PPP3CA: variants seen among roughly 807,000 people sequenced by gnomAD.
The protein encoded by PPP3CA is protein phosphatase 3 catalytic subunit alpha, also known as CAM-PRP catalytic subunit.
In PPP3CA, 14 loss-of-function variants were observed where a neutral mutation model predicts 66.5. The ratio of observed to expected loss-of-function variants is 0.21; its 90% CI spans 0.14 to 0.33. The LOEUF (loss-of-function observed/expected upper bound fraction) is 0.33, where lower values mean the gene tolerates loss of function less well. Among genes scored for constraint, PPP3CA ranks in the 10% least tolerant of loss-of-function variants. The pLI is 1.00. For missense variants in PPP3CA, 317 were observed against 639.5 expected, an observed-to-expected ratio of 0.50 and a Z score of 5.44; for synonymous variants, 232 against 226.2, an observed-to-expected ratio of 1.03 and a Z score of -0.23.
In PPP3CA at chr4:101,201,980, C is replaced by G. The variant is rs571976267; in HGVS notation, c.59-5864G>C. ...CCACAGATAACAAACATAAGCCAACCCAAGCTCTGAAGAGCTTACCAGGTG... is the reference window on the plus strand; with the variant it reads ...CCACAGATAACAAACATAAGCCAACGCAAGCTCTGAAGAGCTTACCAGGTG... On this transcript the variant is annotated intron_variant, in intron 1 of 13. Transcript: ENST00000394854. 1.1e-4 allele frequency among the ~76,000 whole-genome samples: 16 copies of G among 152,228 alleles called. No homozygotes were observed. In the East Asian group the frequency reaches 1.5e-3, roughly 15 times the overall value.
intron 1 of PPP3CA, among the ~76,000 whole-genome samples, chr4:101,306,230 A>AATT (rs1728531869): frequency 6.6e-6 from 1 of 152,106 alleles, no homozygotes; most frequent in South Asian, 2.1e-4. Flanking sequence ...GGGGGCAGCT[A>AATT]ATTAGAGAGG....
At chr4:101,256,657 T>C (rs1726853343) in intron 1 of PPP3CA, among the ~76,000 whole-genome samples, 1 of 152,042 alleles carries the variant, frequency 6.6e-6, no homozygotes, top group Middle Eastern at 3.2e-3. Context: ...TGCAGAGTTT[T>C]AATGATGGAA....
intron 1 of PPP3CA, among the ~76,000 whole-genome samples, chr4:101,274,637 A>G (rs763532005): frequency 2.6e-4 from 40 of 152,152 alleles, no homozygotes; most frequent in Non-Finnish European, 2.4e-4. Context: ...CTTTTTTTCT[A>G]TGTACGTATT....
chr4:101,082,546 T>C (rs1729484768), intron 7 of PPP3CA, among the ~76,000 whole-genome samples: 1 of 152,228 alleles, frequency 6.6e-6, no homozygotes, highest in South Asian at 2.1e-4. Flanking sequence ...AATGTAGATT[T>C]AATATACTAT....
intron 8 of PPP3CA, among the ~76,000 whole-genome samples, chr4:101,075,249 C>T (rs558771855): frequency 1.3e-5 from 2 of 152,256 alleles, no homozygotes; most frequent in African/African-American, 4.8e-5. Context: ...AATTTTCTAC[C>T]TCTCTCTTCC....
intron 2 of PPP3CA, among the ~76,000 whole-genome samples, chr4:101,152,965 G>A (rs1197587550): frequency 6.6e-6 from 1 of 152,156 alleles, no homozygotes; most frequent in Non-Finnish European, 1.5e-5. Context: ...GACCCAAAGG[G>A]TGAGTAAGGT....
At chr4:101,044,633 T>C (rs1183362870) in intron 10 of PPP3CA, among the ~76,000 whole-genome samples, 1 of 152,194 alleles carries the variant, frequency 6.6e-6, no homozygotes, top group East Asian at 1.9e-4. Context: ...ATCACTTCTT[T>C]TTTTGGCCTC....
intron 11 of PPP3CA, among the ~76,000 whole-genome samples, chr4:101,037,582 G>GT (rs1362574648): frequency 1.2e-4 from 18 of 149,728 alleles, no homozygotes; most frequent in East Asian, 1.2e-3. Context: ...CTTCCTAAAT[G>GT]GTTTTTTTTT....
intron 2 of PPP3CA, among the ~76,000 whole-genome samples, chr4:101,113,536 T>A (rs1553925862): frequency 6.6e-6 from 1 of 152,124 alleles, no homozygotes; most frequent in Non-Finnish European, 1.5e-5. Context: ...GGGATGAACC[T>A]AAGAAGGCTG....
At chr4:101,112,619 A>C (rs893739883) in intron 2 of PPP3CA, among the ~76,000 whole-genome samples, 4 of 152,092 alleles carry the variant, frequency 2.6e-5, no homozygotes, top group African/African-American at 9.7e-5. Context: ...TAATGGAAAA[A>C]ATGGAGGTAT....
intron 13 of PPP3CA, among the ~76,000 whole-genome samples, chr4:101,027,690 T>G (rs1364850174): frequency 1.3e-5 from 2 of 152,194 alleles, no homozygotes; most frequent in Admixed American, 1.3e-4. Context: ...TATAAAAGTT[T>G]GTCATCATTA....
At chr4:101,185,921 A>G (rs1724395435) in intron 2 of PPP3CA, among the ~76,000 whole-genome samples, 1 of 152,154 alleles carries the variant, frequency 6.6e-6, no homozygotes, top group Non-Finnish European at 1.5e-5. Flanking sequence ...TCCAAAGAAC[A>G]CCTATCTCCC....
intron 1 of PPP3CA, among the ~76,000 whole-genome samples, chr4:101,337,060 T>C (rs1308061412): frequency 1.3e-5 from 2 of 152,218 alleles, no homozygotes; most frequent in Admixed American, 1.3e-4. Flanking sequence ...CAAAATGCCA[T>C]AATTTTAGGC....
intron 2 of PPP3CA, among the ~76,000 whole-genome samples, chr4:101,147,779 T>G (rs1056679746): frequency 2.6e-5 from 4 of 152,102 alleles, no homozygotes; most frequent in Non-Finnish European, 5.9e-5. Flanking sequence ...ATACTATATT[T>G]TCCTCTGTGG....
chr4:101,332,476 G>A (rs183407329), intron 1 of PPP3CA, among the ~76,000 whole-genome samples: 1 of 152,298 alleles, frequency 6.6e-6, no homozygotes, highest in African/African-American at 2.4e-5. Flanking sequence ...CCATTGGACA[G>A]CCACTGCCAA....
intron 1 of PPP3CA, among the ~76,000 whole-genome samples, chr4:101,340,414 G>T (rs1032107119): frequency 2.6e-5 from 4 of 152,026 alleles, no homozygotes; most frequent in African/African-American, 9.7e-5. Context: ...GTCAGTGAGG[G>T]CTTTTATTTT....
At chr4:101,204,690 T>C (rs1437946270) in intron 1 of PPP3CA, among the ~76,000 whole-genome samples, 1 of 149,918 alleles carries the variant, frequency 6.7e-6, no homozygotes, top group Non-Finnish European at 1.5e-5. Context: ...GATTGACACA[T>C]GGACAATGCC....
chr4:101,078,493 C>T (rs1243289546), intron 8 of PPP3CA, among the ~76,000 whole-genome samples: 1 of 152,080 alleles, frequency 6.6e-6, no homozygotes, highest in East Asian at 1.9e-4. Flanking sequence ...GAAAATTATC[C>T]CTTACCAAAT....
intron 8 of PPP3CA, among the ~76,000 whole-genome samples, chr4:101,068,659 C>T (rs10516474): frequency 0.087 from 13,238 of 152,068 alleles, 774 homozygotes; most frequent in Middle Eastern, 0.16. Flanking sequence ...CTCTACAATT[C>T]CTTCCATTTT....
Sources: allele counts gnomAD v4.1 joint callset (sites outside exome capture counted in the v4.1 genomes callset), GRCh38; gene constraint gnomAD v4.1.1; transcripts MANE v1.5; gene names NCBI Gene and HGNC (gene_info 2026-07-23, HGNC 2026-07-21).